CHRM2: variants seen among roughly 807,000 people sequenced by gnomAD.
CHRM2 encodes the protein cholinergic receptor muscarinic 2, also known as muscarinic acetylcholine receptor M2.
A neutral mutation model predicts 25.0 loss-of-function variants in CHRM2; 8 were observed. That is an observed-to-expected ratio of 0.32 (90% confidence interval 0.19 to 0.58). The LOEUF is 0.58. Ranked by LOEUF, CHRM2 falls within the 20% of genes least tolerant of loss-of-function variation. The pLI is 0.88. For missense variants in CHRM2, 440 were observed against 567.1 expected (o/e 0.78, Z 2.28); for synonymous variants, 202 against 205.7 (o/e 0.98, Z 0.15).
chr7:136,910,800 AGTGTGTGTGTGTGT>A (rs71533718), intron 2 of CHRM2, among the ~76,000 whole-genome samples: 5 of 145,676 alleles, frequency 3.4e-5, no homozygotes, highest in Admixed American at 6.9e-5. Flanking sequence ...TTTAAAATTA[AGTGTGTGTGTGTGT>A]GTGTGTGTGT....
intron 2 of CHRM2, among the ~76,000 whole-genome samples, chr7:136,920,173 T>A (rs1798350121): frequency 1.3e-5 from 2 of 152,110 alleles, no homozygotes; most frequent in African/African-American, 4.8e-5. Context: ...GATTTTCAGG[T>A]TTTTTCATCT....
chr7:136,931,068 T>A (rs1251149670), intron 2 of CHRM2, among the ~76,000 whole-genome samples: 1 of 152,208 alleles, frequency 6.6e-6, no homozygotes, highest in East Asian at 1.9e-4. Flanking sequence ...ACTAGGATTA[T>A]TTTGATTCGT....
rs764065651 is a variant in CHRM2, at chr7:137,015,553, C to G, written c.688C>G (p.Pro230Ala). ...DKKEPVANQD[P>A]VSPSLVQGRI... ...GAAGGAGCCTGTTGCCAACCAAGAC[C>G]CCGTTTCTCCAAGTCTGGTACAAGG... is the stretch of plus-strand genomic sequence containing the variant. Residue 230 changes from proline (P) to alanine (A), a missense_variant, in exon 4 of 4, where the codon CCC becomes GCC. This residue lies in a region of CHRM2 where 261 missense variants were observed against 261.8 expected (regional missense o/e 1.00). Transcript: ENST00000680005. This position sits in a 1 kb window ranked among gnomAD's most constrained non-coding sequence, Gnocchi z 5.1. The G allele has an allele frequency of 1.9e-6, 3 of 1,612,850 alleles. No homozygotes were observed. The South Asian group carries it at 3.3e-5, about 18-fold the overall frequency.
intron 2 of CHRM2, among the ~76,000 whole-genome samples, chr7:136,881,278 G>A (rs889333064): frequency 6.6e-6 from 1 of 151,050 alleles, no homozygotes; most frequent in Admixed American, 6.6e-5. Flanking sequence ...TTTTCACCTG[G>A]TGTGTAAATT....
Position 137,016,104 on chromosome 7 carries a change from T to C in CHRM2, c.1239T>C (p.Cys413=). Residue 413 remains cysteine (C), a synonymous_variant, in exon 4 of 4, where the codon TGT becomes TGC. Transcript: ENST00000680005. ...YNVMVLINTF[C]APCIPNTVWT... ...TCATGGTGCTCATTAACACCTTTTGTGCACCTTGCATCCCCAACACTGTGT... is the reference window on the plus strand; with the variant it reads ...TCATGGTGCTCATTAACACCTTTTGCGCACCTTGCATCCCCAACACTGTGT... The C allele has an allele frequency of 6.2e-7, 1 of 1,612,458 alleles. No individual in the cohort carries two copies. The highest frequency in any genetic ancestry group is 8.5e-7 in the Non-Finnish European group (1 of 1,178,998).
intron 2 of CHRM2, among the ~76,000 whole-genome samples, chr7:136,926,068 G>A (rs140493095): frequency 3.9e-5 from 6 of 151,970 alleles, no homozygotes; most frequent in South Asian, 2.1e-4. Context: ...GAAACACCAC[G>A]TCTACTAAAA....
intron 2 of CHRM2, among the ~76,000 whole-genome samples, chr7:136,879,284 C>T (rs1380483882): frequency 2.6e-5 from 4 of 151,894 alleles, no homozygotes; most frequent in Non-Finnish European, 5.9e-5. Context: ...TATTTGATCT[C>T]CTTCTATTTC....
At position 136,897,529 on chromosome 7, in the gene CHRM2, T is replaced by G. The variant is rs142193816; in HGVS notation, c.-125+28111T>G. ...ATATATGAGCTCCTGAAAGCAGCATTAATCATTTTTCTTAATTGAAAATAG... is the reference window on the plus strand; with the variant it reads ...ATATATGAGCTCCTGAAAGCAGCATGAATCATTTTTCTTAATTGAAAATAG... On this transcript the variant is annotated intron_variant, in intron 2 of 3. Coordinates refer to ENST00000680005, the MANE Select transcript of CHRM2 (RefSeq NM_001006630.2). Among the ~76,000 whole-genome samples the G allele has an allele frequency of 1.2e-3, 178 of 152,246 alleles. 1 individual carries two copies. Among genetic ancestry groups the G allele is most frequent in the East Asian group, 1.7e-3 (9 of 5,160 alleles).
intron 2 of CHRM2, among the ~76,000 whole-genome samples, chr7:136,921,587 C>T (rs561570751): frequency 6.6e-6 from 1 of 152,184 alleles, no homozygotes; most frequent in South Asian, 2.1e-4. Flanking sequence ...CTCCCTCTCA[C>T]TGGTTTAGAT....
chr7:136,881,453 A>G (rs1347903813), intron 2 of CHRM2, among the ~76,000 whole-genome samples: 1 of 151,852 alleles, frequency 6.6e-6, no homozygotes, highest in Admixed American at 6.6e-5. Context: ...CATTAGAGAA[A>G]TATTTTTTCT....
intron 2 of CHRM2, among the ~76,000 whole-genome samples, chr7:136,950,552 A>G (rs759987347): frequency 2.2e-4 from 33 of 152,212 alleles, no homozygotes; most frequent in Non-Finnish European, 3.1e-4. Flanking sequence ...AAAGTCCCCA[A>G]TCTCAAAACC....
intron 2 of CHRM2, among the ~76,000 whole-genome samples, chr7:136,955,505 C>T (rs892402214): frequency 1.9e-4 from 29 of 152,160 alleles, no homozygotes; most frequent in Admixed American, 6.6e-5. Flanking sequence ...ACCTATTATT[C>T]GTCAAATTCC....
At chr7:136,917,692 C>T (rs1299047948) in intron 2 of CHRM2, among the ~76,000 whole-genome samples, 1 of 152,024 alleles carries the variant, frequency 6.6e-6, no homozygotes, top group East Asian at 1.9e-4. Flanking sequence ...ACCATCTCCC[C>T]AGAAAATACA....
At chr7:136,989,003 T>A (rs1033242138) in intron 2 of CHRM2, among the ~76,000 whole-genome samples, 1 of 152,052 alleles carries the variant, frequency 6.6e-6, no homozygotes, top group Non-Finnish European at 1.5e-5. Context: ...ACCAAACCTA[T>A]GAGGTTGGTG....
intron 2 of CHRM2, among the ~76,000 whole-genome samples, chr7:136,888,020 C>A (rs929472625): frequency 1.3e-5 from 2 of 152,246 alleles, no homozygotes; most frequent in Admixed American, 1.3e-4. Flanking sequence ...GGTTGAACAT[C>A]AGCTTTCTCC....
At chr7:136,975,424 A>G (rs1208497523) in intron 2 of CHRM2, among the ~76,000 whole-genome samples, 1 of 152,218 alleles carries the variant, frequency 6.6e-6, no homozygotes, top group Admixed American at 6.5e-5. Context: ...GCCCCAGTAG[A>G]GAAGGACAGG....
chr7:137,005,665 C>T (rs1804373285), intron 3 of CHRM2, among the ~76,000 whole-genome samples: 1 of 152,072 alleles, frequency 6.6e-6, no homozygotes, highest in African/African-American at 2.4e-5. Flanking sequence ...GGCACATAGA[C>T]CATTGAAAAG....
intron 2 of CHRM2, among the ~76,000 whole-genome samples, chr7:136,970,874 TCAC>T (rs956082628): frequency 5.9e-5 from 9 of 152,144 alleles, no homozygotes; most frequent in Non-Finnish European, 1.2e-4. Context: ...AAATCTAAGA[TCAC>T]CATTTTTCCT....
At chr7:136,913,174 C>T (rs10271808) in intron 2 of CHRM2, among the ~76,000 whole-genome samples, 9,389 of 151,960 alleles carry the variant, frequency 0.062, 352 homozygotes, top group African/African-American at 0.086. Flanking sequence ...CAAATGCTTT[C>T]ATAATATAAA....
Sources: gnomAD v4.1 joint callset for allele counts (sites outside exome capture counted in the v4.1 genomes callset) on GRCh38, gnomAD v4.1.1 for gene constraint, gnomAD v4.1.1 regional missense constraint, Gnocchi (gnomAD v3.1) non-coding constraint, MANE v1.5 for transcripts, NCBI Gene and HGNC (gene_info 2026-07-23, HGNC 2026-07-21) for gene names.